Variants in GABRA5 observed in about 807,000 individuals in gnomAD.
GABRA5 encodes gamma-aminobutyric acid receptor subunit alpha-5.
In GABRA5, 18 loss-of-function variants were observed where a neutral mutation model predicts 47.3. The observed-to-expected ratio is 0.38, with a 90% CI of 0.26 to 0.56. GABRA5 has a LOEUF of 0.56. Among genes scored for constraint, GABRA5 ranks in the 20% least tolerant of loss-of-function variants. GABRA5 has a pLI of 0.71. For missense variants in GABRA5, 365 were observed against 599.3 expected (o/e 0.61, Z 4.08); for synonymous variants, 237 against 229.3 (o/e 1.03, Z -0.30).
chr15:26,869,321 T>C lies in GABRA5; in HGVS notation c.73T>C (p.Ser25Pro). 1 of 1,597,498 alleles carries C rather than the reference T, an allele frequency of 6.3e-7. No homozygotes were observed. The highest frequency in any genetic ancestry group is 8.6e-7 in the Non-Finnish European group (1 of 1,164,936). ...TCTCTTTTGTATTTCCATGAACTTATCCAGTCACTTTGGGTAAGTTACCAT... is the reference window on the plus strand; with the variant it reads ...TCTCTTTTGTATTTCCATGAACTTACCCAGTCACTTTGGGTAAGTTACCAT... Reference protein sequence around the residue: ...LLLFCISMNLSSHFGFSQMPT... With the variant: ...LLLFCISMNLPSHFGFSQMPT... Residue 25 changes from serine to proline, a missense_variant, in exon 3 of 11, where the codon TCC becomes CCC. Ser to Pro is a moderately conservative substitution (Grantham distance 74). Transcript: ENST00000335625.
At chr15:26,942,487 C>T (rs1275756004) in intron 9 of GABRA5, among the ~76,000 whole-genome samples, 1 of 152,218 alleles carries the variant, frequency 6.6e-6, no homozygotes, top group Non-Finnish European at 1.5e-5. Flanking sequence ...GTCTGTCTCA[C>T]CTGTTTGCAG....
At chr15:26,920,179 T>C (rs1405157130) in intron 7 of GABRA5, among the ~76,000 whole-genome samples, 1 of 152,080 alleles carries the variant, frequency 6.6e-6, no homozygotes, top group African/African-American at 2.4e-5. Flanking sequence ...TTAAATAAGC[T>C]TTTGTTGTTG....
At chr15:26,930,006 C>CTTTTT (rs72082419) in intron 7 of GABRA5, among the ~76,000 whole-genome samples, 65 of 113,326 alleles carry the variant, frequency 5.7e-4, no homozygotes, top group Non-Finnish European at 8.3e-4. Flanking sequence ...TCTTCTTCTT[C>CTTTTT]TTTTTTTTTT....
At chr15:26,946,282 T>G (rs534519260) in intron 10 of GABRA5, among the ~76,000 whole-genome samples, 100 of 152,334 alleles carry the variant, frequency 6.6e-4, no homozygotes, top group African/African-American at 2.3e-3. Flanking sequence ...TGTCTAACAT[T>G]TTATTGTGCA....
At chr15:26,895,812 C>CAAAAAAAAAAAAAAAAAAA (rs376170037) in intron 6 of GABRA5, among the ~76,000 whole-genome samples, 2 of 123,278 alleles carry the variant, frequency 1.6e-5, no homozygotes, top group African/African-American at 7.1e-5. Flanking sequence ...AAGACTCCGT[C>CAAAAAAAAAAAAAAAAAAA]AAAAAAAAAA....
chr15:26,914,517 T>C (rs1893675780), intron 6 of GABRA5, among the ~76,000 whole-genome samples: 1 of 152,190 alleles, frequency 6.6e-6, no homozygotes, highest in South Asian at 2.1e-4. Flanking sequence ...AAACAAAGAA[T>C]AAATAACTTT....
chr15:26,933,694 C>G (rs2140572377), intron 7 of GABRA5, among the ~76,000 whole-genome samples: 1 of 152,264 alleles, frequency 6.6e-6, no homozygotes, highest in South Asian at 2.1e-4. Context: ...GGTACCTGGG[C>G]AGACGTGTTA....
At chr15:26,879,807 C>G (rs1342165512) in intron 3 of GABRA5, among the ~76,000 whole-genome samples, 1 of 152,150 alleles carries the variant, frequency 6.6e-6, no homozygotes, top group Non-Finnish European at 1.5e-5. Context: ...AGCTAGGGCC[C>G]CACAGCTGGG....
rs145102956 is a variant in GABRA5 at position 26,895,262 on chromosome 15, C to T, written c.497+11705C>T. The stretch of plus-strand genomic sequence containing the variant: ...GTTCCTTGTTACCAGATTCTCTCTC[C>T]TATTAATATTATTCCTTCTGAATAT... On this transcript the variant is annotated intron_variant, in intron 6 of 10. Transcript: ENST00000335625. Among the ~76,000 whole-genome samples, 384 of 152,120 alleles carry T rather than the reference C, an allele frequency of 2.5e-3. 10 individuals are homozygous for T. In the East Asian group the frequency reaches 0.064, roughly 26 times the overall value.
chr15:26,910,469 G>A (rs868512871), intron 6 of GABRA5, among the ~76,000 whole-genome samples: 4 of 151,848 alleles, frequency 2.6e-5, no homozygotes, highest in Admixed American at 6.6e-5. Context: ...GCGTGATTGC[G>A]GACACCTGTA....
intron 6 of GABRA5, among the ~76,000 whole-genome samples, chr15:26,889,802 G>T (rs1177559691): frequency 1.3e-5 from 2 of 152,126 alleles, no homozygotes; most frequent in Non-Finnish European, 2.9e-5. Flanking sequence ...TGCGGAATAT[G>T]GTTATGATAA....
rs371251595 is a variant in GABRA5 at position 26,886,359 on chromosome 15, C to CTCTAT, written c.497+2806_497+2810dup. ...TAATTCTAGAAGACAATGGGACACACTCTATTCTCTGAAGCATTGTTGTCT... is the reference window on the plus strand; with the variant it reads ...TAATTCTAGAAGACAATGGGACACACTCTATTCTATTCTCTGAAGCATTGTTGTCT... On this transcript the variant is annotated intron_variant, in intron 6 of 10. Coordinates refer to ENST00000335625, the MANE Select transcript of GABRA5 (RefSeq NM_000810.4). Among the ~76,000 whole-genome samples, 446 of 152,286 alleles carry CTCTAT rather than the reference C, an allele frequency of 2.9e-3. 1 individual carries two copies. The highest frequency in any genetic ancestry group is 0.01 in the African/African-American group (423 of 41,582).
At chr15:26,914,634 A>G (rs1240903373) in intron 6 of GABRA5, among the ~76,000 whole-genome samples, 169 bp from the exon 7 acceptor site, 1 of 152,224 alleles carries the variant, frequency 6.6e-6, no homozygotes, top group Non-Finnish European at 1.5e-5. Context: ...TCTGAATGAT[A>G]TTCACCTACA....
chr15:26,914,455 G>C (rs1239455802), intron 6 of GABRA5, among the ~76,000 whole-genome samples: 1 of 152,136 alleles, frequency 6.6e-6, no homozygotes, highest in Non-Finnish European at 1.5e-5. Context: ...GAAAATGCAT[G>C]TTTTCAGTCC....
intron 6 of GABRA5, among the ~76,000 whole-genome samples, chr15:26,906,085 G>A (rs1216137371): frequency 6.6e-6 from 1 of 151,802 alleles, no homozygotes; most frequent in African/African-American, 2.4e-5. Context: ...TTATTATAAT[G>A]TGGTGACCCT....
chr15:26,913,665 A>G (rs1050468670), intron 6 of GABRA5, among the ~76,000 whole-genome samples: 8 of 152,184 alleles, frequency 5.3e-5, no homozygotes, highest in African/African-American at 1.9e-4. Flanking sequence ...CATTGTATGT[A>G]ATTTCATTTA....
chr15:26,906,018 A>G (rs1339823672), intron 6 of GABRA5, among the ~76,000 whole-genome samples: 1 of 151,910 alleles, frequency 6.6e-6, no homozygotes, highest in Non-Finnish European at 1.5e-5. Flanking sequence ...TTCCCTTTGA[A>G]CAGGCCATTG....
intron 6 of GABRA5, among the ~76,000 whole-genome samples, chr15:26,908,142 C>A (rs998476497): frequency 6.6e-6 from 1 of 152,220 alleles, no homozygotes; most frequent in East Asian, 1.9e-4. Flanking sequence ...ATATGTATTT[C>A]AGTTCTTTTT....
chr15:26,915,172 C>T (rs1300588865), intron 7 of GABRA5, among the ~76,000 whole-genome samples: 1 of 152,176 alleles, frequency 6.6e-6, no homozygotes, highest in Admixed American at 6.5e-5. Flanking sequence ...CAGATCTCAA[C>T]CGGGCAGTTC....
Sources: allele counts gnomAD v4.1 joint callset (sites outside exome capture counted in the v4.1 genomes callset), GRCh38; gene constraint gnomAD v4.1.1; transcripts MANE v1.5; gene names NCBI Gene and HGNC (gene_info 2026-07-23, HGNC 2026-07-21).